DPP10: variants seen among roughly 807,000 people sequenced by gnomAD.
DPP10 encodes the protein inactive dipeptidyl peptidase 10.
In DPP10, 33 loss-of-function variants were observed where a neutral mutation model predicts 120.9. The observed-to-expected ratio is 0.27, with a 90% CI of 0.21 to 0.37. The LOEUF (loss-of-function observed/expected upper bound fraction) is 0.37, where lower values mean the gene tolerates loss of function less well. Ranked by LOEUF, DPP10 falls within the 10% of genes least tolerant of loss-of-function variation. The probability of loss-of-function intolerance (pLI) is 1.00; values close to 1 mark genes in which losing one functional copy is unlikely to be tolerated. For missense variants in DPP10, 816 were observed against 942.8 expected, an observed-to-expected ratio of 0.87 and a Z score of 1.76; for synonymous variants, 337 against 326.1, an observed-to-expected ratio of 1.03 and a Z score of -0.36.
chr2:114,707,576 T>C (rs975546207), intron 1 of DPP10, among the ~76,000 whole-genome samples: 1 of 152,170 alleles, frequency 6.6e-6, no homozygotes, highest in African/African-American at 2.4e-5. Flanking sequence ...TAACCGTGCA[T>C]CACTTGGGGC....
chr2:114,601,574 C>G (rs1343649717), intron 1 of DPP10, among the ~76,000 whole-genome samples: 1 of 151,778 alleles, frequency 6.6e-6, no homozygotes, highest in Non-Finnish European at 1.5e-5. Flanking sequence ...ATAGTATAAG[C>G]AGTACATTGA....
At chr2:115,479,943 T>C (rs1440895447) in intron 3 of DPP10, among the ~76,000 whole-genome samples, 1 of 152,166 alleles carries the variant, frequency 6.6e-6, no homozygotes, top group East Asian at 1.9e-4. Flanking sequence ...ACACCTGAAT[T>C]TGCCATGTTC....
intron 19 of DPP10, among the ~76,000 whole-genome samples, chr2:115,807,378 C>T (rs1686110864): frequency 6.6e-6 from 1 of 152,138 alleles, no homozygotes; most frequent in East Asian, 1.9e-4. Flanking sequence ...TGCTAACAGT[C>T]CATTTCTGAG....
chr2:115,425,843 GCTTT>G (rs2070406459), intron 3 of DPP10, among the ~76,000 whole-genome samples: 1 of 152,182 alleles, frequency 6.6e-6, no homozygotes, highest in African/African-American at 2.4e-5. Context: ...GCCTCAGGGA[GCTTT>G]TACTCATGGC....
At chr2:115,696,208 C>A (rs963593528) in intron 7 of DPP10, among the ~76,000 whole-genome samples, 1 of 152,022 alleles carries the variant, frequency 6.6e-6, no homozygotes, top group South Asian at 2.1e-4. Flanking sequence ...TAAAAATTAA[C>A]AGCCCCAAAT....
chr2:115,814,298 G>GT (rs11367704), intron 19 of DPP10, among the ~76,000 whole-genome samples: 55 of 148,416 alleles, frequency 3.7e-4, no homozygotes, highest in South Asian at 2.4e-3. Flanking sequence ...TACTAATGCA[G>GT]TTTTTTTTTT....
At chr2:114,628,768 G>C (rs189947761) in intron 1 of DPP10, among the ~76,000 whole-genome samples, 1 of 152,134 alleles carries the variant, frequency 6.6e-6, no homozygotes, top group East Asian at 1.9e-4. Flanking sequence ...ATGGGCGAAC[G>C]AACGGCTGTC....
At chr2:115,169,930 T>C (rs1406576590) in intron 1 of DPP10, among the ~76,000 whole-genome samples, 2 of 152,216 alleles carry the variant, frequency 1.3e-5, no homozygotes, top group South Asian at 2.1e-4. Flanking sequence ...CTCTTTTTGA[T>C]ATGTAAATGA....
chr2:115,151,974 A>T (rs1295441761), intron 1 of DPP10, among the ~76,000 whole-genome samples: 3 of 145,208 alleles, frequency 2.1e-5, no homozygotes, highest in Non-Finnish European at 3.0e-5. Flanking sequence ...TTTCTTTCTA[A>T]TTTTTTCTTG....
intron 17 of DPP10, among the ~76,000 whole-genome samples, chr2:115,789,015 G>A (rs1254029982): frequency 6.6e-6 from 1 of 152,026 alleles, no homozygotes; most frequent in Non-Finnish European, 1.5e-5. Flanking sequence ...CTATTCAGGA[G>A]GCTGAGGCAG....
chr2:114,455,906 G>A (rs904949379), intron 1 of DPP10, among the ~76,000 whole-genome samples: 8 of 152,060 alleles, frequency 5.3e-5, no homozygotes, highest in Non-Finnish European at 1.2e-4. Flanking sequence ...AAAAGAGGTA[G>A]AACTGGGCCT....
At chr2:115,793,840 A>G in intron 19 of DPP10, among the ~76,000 whole-genome samples, 1 of 151,970 alleles carries the variant, frequency 6.6e-6, no homozygotes. Context: ...GTGACTTACA[A>G]AATCCAAAAG....
At chr2:114,824,082 C>CT (rs1400829619) in intron 1 of DPP10, among the ~76,000 whole-genome samples, 2 of 152,204 alleles carry the variant, frequency 1.3e-5, no homozygotes, top group African/African-American at 2.4e-5. Context: ...TTTTCCTCAG[C>CT]TTCTACTTAC....
chr2:114,495,652 C>T (rs1298487190), intron 1 of DPP10, among the ~76,000 whole-genome samples: 1 of 152,154 alleles, frequency 6.6e-6, no homozygotes, highest in Middle Eastern at 3.2e-3. Context: ...CCAAAAGAAT[C>T]TACTTGGTCT....
chr2:114,738,659 G>A (rs1437298896), intron 1 of DPP10, among the ~76,000 whole-genome samples: 1 of 152,084 alleles, frequency 6.6e-6, no homozygotes, highest in East Asian at 1.9e-4. Flanking sequence ...TTCCTTATCT[G>A]TAAAACAAGG....
rs753076906 is a variant in DPP10 at position 115,782,352 on chromosome 2, G to T, written c.1484G>T (p.Gly495Val). The change falls in exon 17 of 26, where the codon GGT (glycine) becomes GTT (valine). Residue 495 changes from glycine (G) to valine (V), a missense_variant and splice_region_variant. By Grantham distance (109) the Gly-to-Val change is moderately radical (BLOSUM62 -3). Transcript: ENST00000410059. Reference protein sequence around the residue: ...MNQHFLLFCEGPRVPVVSLHS... With the variant: ...MNQHFLLFCEVPRVPVVSLHS... ...TTATACACATATTTTTAAATTCCAG[G>T]TCCAAGGGTCCCAGTGGTCAGCCTA... The T allele has an allele frequency of 1.9e-6, 3 of 1,610,670 alleles. No individual in the cohort carries two copies. Among genetic ancestry groups the T allele is most frequent in the East Asian group, 4.5e-5 (2 of 44,826 alleles).
chr2:115,709,205 G>T (rs898555936), intron 7 of DPP10, among the ~76,000 whole-genome samples: 1 of 152,070 alleles, frequency 6.6e-6, no homozygotes, highest in Non-Finnish European at 1.5e-5. Flanking sequence ...CAGAGTGTGG[G>T]TATCAAGTAA....
chr2:115,642,153 T>G (rs2086836571), intron 5 of DPP10, among the ~76,000 whole-genome samples: 1 of 152,156 alleles, frequency 6.6e-6, no homozygotes, highest in East Asian at 1.9e-4. Context: ...AGGTAGCAAT[T>G]TAAATATAAA....
intron 1 of DPP10, among the ~76,000 whole-genome samples, chr2:114,830,538 G>A (rs1460833604): frequency 5.3e-5 from 8 of 152,080 alleles, no homozygotes; most frequent in Non-Finnish European, 8.8e-5. Flanking sequence ...TTACATGTAC[G>A]TAAATGTGCC....
Sources: gnomAD v4.1 joint callset for allele counts (sites outside exome capture counted in the v4.1 genomes callset) on GRCh38, gnomAD v4.1.1 for gene constraint, MANE v1.5 for transcripts, NCBI Gene and HGNC (gene_info 2026-07-23, HGNC 2026-07-21) for gene names.